The following LRRC72 variants were observed in gnomAD, a reference collection of about 807,000 sequenced individuals.
The protein encoded by LRRC72 is leucine-rich repeat-containing protein 72.
In LRRC72, 41 loss-of-function variants were observed where a neutral mutation model predicts 35.8. That is an observed-to-expected ratio of 1.15 (90% CI 0.89 to 1.49). The LOEUF (loss-of-function observed/expected upper bound fraction) is 1.49, where lower values mean the gene tolerates loss of function less well. Among genes scored for constraint, LRRC72 ranks in the 40% most tolerant of loss-of-function variants. The pLI, the probability that LRRC72 is intolerant of heterozygous loss-of-function variation, is 0.00. For missense variants in LRRC72, 389 were observed against 330.7 expected (o/e 1.18, Z -1.37); for synonymous variants, 118 against 119.2 (o/e 0.99, Z 0.07).
intron 1 of LRRC72, among the ~76,000 whole-genome samples, chr7:16,531,834 T>C (rs1261786789): frequency 6.6e-6 from 1 of 152,198 alleles, no homozygotes; most frequent in Admixed American, 6.5e-5. Flanking sequence ...GTTTTATTTT[T>C]AAAACAGAGC....
chr7:16,565,902 T>A (rs1054578238), intron 5 of LRRC72, among the ~76,000 whole-genome samples: 13 of 152,206 alleles, frequency 8.5e-5, no homozygotes, highest in Admixed American at 8.5e-4. Context: ...CATGCACCCT[T>A]GTGAACTTGG....
At chr7:16,578,835 C>T (rs899092021) in intron 7 of LRRC72, among the ~76,000 whole-genome samples, 10 of 151,964 alleles carry the variant, frequency 6.6e-5, no homozygotes, top group Admixed American at 5.2e-4. Context: ...CACTGGAGAG[C>T]GTTATACTAA....
At chr7:16,569,018 A>G (rs527638682) in intron 7 of LRRC72, among the ~76,000 whole-genome samples, 1 of 152,362 alleles carries the variant, frequency 6.6e-6, no homozygotes, top group East Asian at 1.9e-4. Context: ...AAATTTTCTA[A>G]CAGGAAAAGT....
At position 16,540,651 on chromosome 7, in the gene LRRC72, T is replaced by G. The variant is rs1293935093; in HGVS notation, c.234+2955T>G. On this transcript the variant is annotated intron_variant, in intron 3 of 8. Coordinates refer to ENST00000401542, the MANE Select transcript of LRRC72 (RefSeq NM_001195280.2). ...GTCAGGGGAGGAACCTGGTGGGAGG[T>G]GATTGGATCATGGGGGCAGTTTCCC... is the stretch of plus-strand genomic sequence containing the variant. 2.6e-5 allele frequency among the ~76,000 whole-genome samples: 4 copies of G among 151,800 alleles called. No homozygotes were observed. In the East Asian group the frequency reaches 7.8e-4, roughly 30 times the overall value.
chr7:16,576,571 A>G (rs1783044301), intron 7 of LRRC72, among the ~76,000 whole-genome samples: 1 of 152,170 alleles, frequency 6.6e-6, no homozygotes, highest in Non-Finnish European at 1.5e-5. Context: ...ACCAATTTTC[A>G]TTACTGTCTC....
At chr7:16,567,640 C>T (rs1484784651) in intron 7 of LRRC72, 97 bp downstream of exon 7, 2 of 1,000,820 alleles carry the variant, frequency 2.0e-6, no homozygotes, top group Non-Finnish European at 2.7e-6. Flanking sequence ...CTACAATTTA[C>T]AATAAACTTA....
chr7:16,537,820 C>A (rs979918127), intron 3 of LRRC72, 124 bp downstream of exon 3: 1 of 590,296 alleles, frequency 1.7e-6, no homozygotes, highest in Non-Finnish European at 2.9e-6. Flanking sequence ...AGCTAAGAAA[C>A]CCATATAAAA....
rs184924075 is a variant in LRRC72, at chr7:16,554,100, G to A, written c.235-3260G>A. ...TCCCAGCACTTCGGGAGGCCGAAGC[G>A]GGCAGATTATCTGAGGTCAGGGGTT... On this transcript the variant is annotated intron_variant, in intron 3 of 8. Transcript: ENST00000401542. Among the ~76,000 whole-genome samples, 1,486 of 152,196 alleles carry A rather than the reference G, an allele frequency of 9.8e-3. 24 individuals carry two copies. The highest frequency in any genetic ancestry group is 0.033 in the African/African-American group (1,363 of 41,518).
intron 2 of LRRC72, among the ~76,000 whole-genome samples, chr7:16,535,459 A>T (rs1406191632): frequency 6.6e-6 from 1 of 152,202 alleles, no homozygotes; most frequent in African/African-American, 2.4e-5. Flanking sequence ...TGTTAAAAGA[A>T]TAAGAACATT....
At chr7:16,561,627 A>G (rs1190530330) in intron 5 of LRRC72, among the ~76,000 whole-genome samples, 2 of 152,252 alleles carry the variant, frequency 1.3e-5, no homozygotes, top group Non-Finnish European at 2.9e-5. Context: ...TTACATAACT[A>G]TAACTTTCCA....
intron 3 of LRRC72, among the ~76,000 whole-genome samples, chr7:16,545,464 G>T (rs1782429384): frequency 6.6e-6 from 1 of 152,118 alleles, no homozygotes; most frequent in Admixed American, 6.5e-5. Context: ...TGGAATTTCT[G>T]TTGGCCTCTT....
chr7:16,576,401 T>C (rs1783041998), intron 7 of LRRC72, among the ~76,000 whole-genome samples: 1 of 152,238 alleles, frequency 6.6e-6, no homozygotes, highest in South Asian at 2.1e-4. Context: ...TAAAAATGTT[T>C]ATGAGGCAAT....
intron 2 of LRRC72, among the ~76,000 whole-genome samples, chr7:16,535,197 A>G (rs1782232494): frequency 6.6e-6 from 1 of 152,202 alleles, no homozygotes; most frequent in South Asian, 2.1e-4. Context: ...TAAAAAAGAA[A>G]AAAAAAGTTG....
intron 3 of LRRC72, among the ~76,000 whole-genome samples, chr7:16,541,926 C>T (rs1030278739): frequency 1.0e-4 from 15 of 150,682 alleles, no homozygotes; most frequent in East Asian, 3.9e-4. Context: ...CACACATACA[C>T]GCACACACAG....
intron 3 of LRRC72, among the ~76,000 whole-genome samples, chr7:16,550,324 G>A (rs2128336391): frequency 6.6e-6 from 1 of 152,222 alleles, no homozygotes; most frequent in Non-Finnish European, 1.5e-5. Context: ...TCTCTAAATC[G>A]ATGTTCTTCT....
chr7:16,547,375 G>A (rs1044963559), intron 3 of LRRC72, among the ~76,000 whole-genome samples: 5 of 152,118 alleles, frequency 3.3e-5, no homozygotes, highest in Non-Finnish European at 7.4e-5. Context: ...CACGGAGATA[G>A]CAGGAGCTCC....
At chr7:16,558,233 A>C (rs1488511388) in intron 4 of LRRC72, among the ~76,000 whole-genome samples, 6 of 152,184 alleles carry the variant, frequency 3.9e-5, no homozygotes, top group South Asian at 4.1e-4. Context: ...AGGAAAAAAA[A>C]CCCCAAAACT....
chr7:16,562,349 T>C (rs1475465687), intron 5 of LRRC72, among the ~76,000 whole-genome samples: 1 of 152,064 alleles, frequency 6.6e-6, no homozygotes, highest in Non-Finnish European at 1.5e-5. Context: ...CCCTTTCCAG[T>C]ACTAAGGGAA....
At chr7:16,561,015 C>G (rs1782735946) in intron 5 of LRRC72, among the ~76,000 whole-genome samples, 1 of 152,146 alleles carries the variant, frequency 6.6e-6, no homozygotes. Flanking sequence ...TAACCAAACT[C>G]CTAAGGAGTG....
Sources: gnomAD v4.1 joint callset for allele counts (sites outside exome capture counted in the v4.1 genomes callset) on GRCh38, gnomAD v4.1.1 for gene constraint, MANE v1.5 for transcripts, NCBI Gene and HGNC (gene_info 2026-07-23, HGNC 2026-07-21) for gene names.